Variants in RBFOX3 observed in about 807,000 individuals in gnomAD.
The protein encoded by RBFOX3 is RNA binding protein fox-1 homolog 3.
RBFOX3 carries 17 observed loss-of-function variants against 48.7 expected under a neutral mutation model. The observed-to-expected ratio is 0.35, with a 90% CI of 0.24 to 0.52. The LOEUF is 0.52. Ranked by LOEUF, RBFOX3 falls within the 20% of genes least tolerant of loss-of-function variation. The probability of loss-of-function intolerance (pLI) is 0.94; values close to 1 mark genes in which losing one functional copy is unlikely to be tolerated. For synonymous variants in RBFOX3, 212 were observed against 209.5 expected, an observed-to-expected ratio of 1.01 and a Z score of -0.10; for missense variants, 382 against 497.5, an observed-to-expected ratio of 0.77 and a Z score of 2.21.
intron 4 of RBFOX3, among the ~76,000 whole-genome samples, chr17:79,197,872 G>A (rs777786992): frequency 3.3e-5 from 5 of 151,984 alleles, no homozygotes; most frequent in Non-Finnish European, 2.9e-5. Context: ...GCAGGGAGCC[G>A]GAAACCCAAA....
chr17:79,504,219 C>G (rs2082767401), intron 1 of RBFOX3, among the ~76,000 whole-genome samples: 1 of 152,252 alleles, frequency 6.6e-6, no homozygotes, highest in Non-Finnish European at 1.5e-5. Flanking sequence ...CAATCAAAAC[C>G]TGGCATAGCA....
chr17:79,538,954 C>T (rs1480051569), intron 1 of RBFOX3, among the ~76,000 whole-genome samples: 14 of 152,302 alleles, frequency 9.2e-5, no homozygotes, highest in African/African-American at 2.9e-4. Flanking sequence ...CATAAATACG[C>T]ATGCAAACAA....
chr17:79,236,795 C>T (rs1349145776), intron 3 of RBFOX3, among the ~76,000 whole-genome samples: 1 of 152,144 alleles, frequency 6.6e-6, no homozygotes, highest in East Asian at 1.9e-4. Flanking sequence ...CCTGGGACTC[C>T]ACACGAGTGC....
intron 4 of RBFOX3, among the ~76,000 whole-genome samples, chr17:79,190,921 G>C (rs1366829259): frequency 6.6e-6 from 1 of 152,194 alleles, no homozygotes; most frequent in Admixed American, 6.5e-5. Flanking sequence ...AGGGAAGACT[G>C]TACACACAAT....
intron 2 of RBFOX3, among the ~76,000 whole-genome samples, chr17:79,474,805 A>G (rs998371942): frequency 6.6e-6 from 1 of 151,992 alleles, no homozygotes; most frequent in African/African-American, 2.4e-5. Context: ...CCCACGCATC[A>G]CTAACTTCAG....
intron 2 of RBFOX3, among the ~76,000 whole-genome samples, chr17:79,448,775 T>A (rs1212048015): frequency 6.6e-6 from 1 of 152,126 alleles, no homozygotes; most frequent in Non-Finnish European, 1.5e-5. Flanking sequence ...CAGAGCAGGT[T>A]CAACACCAGG....
intron 2 of RBFOX3, among the ~76,000 whole-genome samples, chr17:79,468,717 CATAG>C (rs1299878058): frequency 2.0e-4 from 19 of 95,740 alleles, no homozygotes; most frequent in Admixed American, 1.0e-3. Flanking sequence ...CGAATGGATG[CATAG>C]ATAGATAGCA....
intron 1 of RBFOX3, among the ~76,000 whole-genome samples, chr17:79,510,186 G>A (rs1317473894): frequency 6.6e-6 from 1 of 152,198 alleles, no homozygotes; most frequent in East Asian, 1.9e-4. Flanking sequence ...GTCTGGTGTC[G>A]ACAGAGGTGC....
chr17:79,185,706 C>CAAGT (rs1284184163), intron 4 of RBFOX3, among the ~76,000 whole-genome samples: 10 of 152,186 alleles, frequency 6.6e-5, no homozygotes, highest in African/African-American at 2.2e-4. Context: ...CCATTATGAC[C>CAAGT]AAGTATCTCC....
chr17:79,097,663 T>TACCAACCCC, intron 10 of RBFOX3, 29 bp downstream of exon 10: 1 of 1,384,076 alleles, frequency 7.2e-7, no homozygotes, highest in Non-Finnish European at 9.8e-7. Context: ...GCTGGTCTCA[T>TACCAACCCC]CCCATCCCCG....
chr17:79,579,013 G>A (rs1033659540), intron 1 of RBFOX3, among the ~76,000 whole-genome samples: 3 of 152,276 alleles, frequency 2.0e-5, no homozygotes, highest in South Asian at 2.1e-4. Flanking sequence ...CCCCCTCAAC[G>A]TCCTGAGCAT....
chr17:79,386,522 C>T, intron 2 of RBFOX3, among the ~76,000 whole-genome samples: 1 of 152,208 alleles, frequency 6.6e-6, no homozygotes, highest in Non-Finnish European at 1.5e-5. Context: ...AAGCCAGAGC[C>T]CTCATACTAT....
rs2076847795 is a variant in RBFOX3 at position 79,103,613 on chromosome 17, C to T, written c.415-359G>A. 6.6e-6 allele frequency among the ~76,000 whole-genome samples: 1 copy of T among 152,144 alleles called. No individual in the cohort carries two copies. On this transcript the variant is annotated intron_variant, in intron 7 of 14. Coordinates refer to ENST00000693108, the MANE Select transcript of RBFOX3 (RefSeq NM_001350451.2). This position sits in a 1 kb window ranked among gnomAD's most constrained non-coding sequence, Gnocchi z 6.1. Reference sequence around the variant, plus strand: ...GAACCCCACCTTGGGGTAGGGGGCCCAGGCTGGGCTTCAGGACCTGCAGGG... The same window carrying T: ...GAACCCCACCTTGGGGTAGGGGGCCTAGGCTGGGCTTCAGGACCTGCAGGG...
At chr17:79,323,612 C>G (rs1354570360) in intron 2 of RBFOX3, among the ~76,000 whole-genome samples, 1 of 152,234 alleles carries the variant, frequency 6.6e-6, no homozygotes, top group Non-Finnish European at 1.5e-5. Context: ...GCTGGACCTC[C>G]TCCCCAAGCC....
chr17:79,430,720 T>G (rs1221990915), intron 2 of RBFOX3, among the ~76,000 whole-genome samples: 2 of 152,116 alleles, frequency 1.3e-5, no homozygotes, highest in African/African-American at 4.8e-5. Flanking sequence ...AATTTTTGTA[T>G]TTTTAGTAGA....
chr17:79,165,925 G>A (rs1474958853), intron 4 of RBFOX3, among the ~76,000 whole-genome samples: 2 of 152,236 alleles, frequency 1.3e-5, no homozygotes, highest in Non-Finnish European at 2.9e-5. Context: ...ACACGCGGCG[G>A]GGTTGCTGAG....
chr17:79,272,462 C>A (rs1018654188), intron 3 of RBFOX3, among the ~76,000 whole-genome samples: 1 of 152,208 alleles, frequency 6.6e-6, no homozygotes, highest in Admixed American at 6.5e-5. Context: ...GTTGCTGAGA[C>A]AAGCCATTCC....
At chr17:79,466,729 G>A (rs1370594281) in intron 2 of RBFOX3, among the ~76,000 whole-genome samples, 8 of 152,198 alleles carry the variant, frequency 5.3e-5, no homozygotes, top group African/African-American at 1.4e-4. Flanking sequence ...GGCAGGCGCC[G>A]TTGCCAGCCT....
intron 2 of RBFOX3, among the ~76,000 whole-genome samples, chr17:79,402,055 TGTGGCCCA>T (rs1174945600): frequency 6.6e-6 from 1 of 152,206 alleles, no homozygotes; most frequent in Non-Finnish European, 1.5e-5. Context: ...GGGGACAATC[TGTGGCCCA>T]CCACCAGGAG....
Sources: gnomAD v4.1 joint callset for allele counts (sites outside exome capture counted in the v4.1 genomes callset) on GRCh38, gnomAD v4.1.1 for gene constraint, Gnocchi (gnomAD v3.1) non-coding constraint, MANE v1.5 for transcripts, NCBI Gene and HGNC (gene_info 2026-07-23, HGNC 2026-07-21) for gene names.